The following ZC3H12B variants were observed in gnomAD, a reference collection of about 807,000 sequenced individuals.
ZC3H12B encodes the protein probable ribonuclease ZC3H12B.
A neutral mutation model predicts 43.9 loss-of-function variants in ZC3H12B; 7 were observed. The ratio of observed to expected loss-of-function variants is 0.16; its 90% CI spans 0.09 to 0.30. The LOEUF is 0.30. Ranked by LOEUF, ZC3H12B falls within the 10% of genes least tolerant of loss-of-function variation. ZC3H12B has a pLI of 1.00. For missense variants in ZC3H12B, 475 were observed against 670.2 expected, an observed-to-expected ratio of 0.71 and a Z score of 3.22; for synonymous variants, 222 against 241.7, an observed-to-expected ratio of 0.92 and a Z score of 0.76.
At chrX:65,209,689 A>G in the ZC3H12B span, among the ~76,000 whole-genome samples, 1 of 110,383 alleles carries the variant, frequency 9.1e-6, no homozygotes, top group Admixed American at 9.8e-5. Context: ...TACAGTAACC[A>G]AAACAGCATG....
the ZC3H12B span, among the ~76,000 whole-genome samples, chrX:65,239,249 G>C: frequency 9.0e-6 from 1 of 110,996 alleles, no homozygotes; most frequent in East Asian, 2.9e-4. Flanking sequence ...TATGAATCTT[G>C]GTCCTCCCAT....
chrX:65,369,644 T>TA (rs957153898), intron 2 of ZC3H12B, among the ~76,000 whole-genome samples: 1 of 111,830 alleles, frequency 8.9e-6, no homozygotes. Flanking sequence ...TATGCAACTT[T>TA]AAAAAAATTG....
intron 2 of ZC3H12B, among the ~76,000 whole-genome samples, chrX:65,379,087 G>A (rs12013470): frequency 9.0e-6 from 1 of 111,603 alleles, no homozygotes; most frequent in African/African-American, 3.3e-5. Context: ...CGGGAAGCTC[G>A]AACTGGGTGG....
At chrX:65,500,719 G>A (rs1309839944) in intron 4 of ZC3H12B, among the ~76,000 whole-genome samples, 5 of 109,646 alleles carry the variant, frequency 4.6e-5, no homozygotes, top group Non-Finnish European at 5.7e-5. Flanking sequence ...ATGAGCCACC[G>A]TGCCCGGCCC....
chrX:65,448,653 C>T (rs1468807370), intron 3 of ZC3H12B, among the ~76,000 whole-genome samples: 14 of 109,969 alleles, frequency 1.3e-4, no homozygotes, highest in Non-Finnish European at 2.7e-4. Context: ...CCCATCTCTA[C>T]TAAAAATATA....
At chrX:65,270,492 A>C in the ZC3H12B span, among the ~76,000 whole-genome samples, 1 of 111,884 alleles carries the variant, frequency 8.9e-6, no homozygotes, top group South Asian at 3.7e-4. Context: ...TTTGGATATC[A>C]TACCAAAAGC....
the ZC3H12B span, among the ~76,000 whole-genome samples, chrX:65,180,882 A>G: frequency 0.23 from 25,703 of 111,239 alleles, 7,170 homozygotes; most frequent in African/African-American, 0.8. Flanking sequence ...GACTTTCTTC[A>G]CAGAATTACC....
the ZC3H12B span, among the ~76,000 whole-genome samples, chrX:65,161,502 T>C: frequency 8.9e-6 from 1 of 112,057 alleles, no homozygotes; most frequent in African/African-American, 3.2e-5. Flanking sequence ...AATTGATCCC[T>C]TTACCATTAT....
the ZC3H12B span, among the ~76,000 whole-genome samples, chrX:65,099,261 G>T: frequency 8.9e-6 from 1 of 111,851 alleles, no homozygotes; most frequent in Non-Finnish European, 1.9e-5. Context: ...GAGCACCTGG[G>T]GGAAGGGGTG....
chrX:65,370,596 C>T (rs1456307590), intron 2 of ZC3H12B, among the ~76,000 whole-genome samples: 1 of 111,890 alleles, frequency 8.9e-6, no homozygotes, highest in East Asian at 2.8e-4. Context: ...ATCTATATAT[C>T]CCTAAGGAAA....
chrX:65,093,648 G>A, the ZC3H12B span, among the ~76,000 whole-genome samples: 2,371 of 111,879 alleles, frequency 0.021, 23 homozygotes, highest in Middle Eastern at 0.056. Flanking sequence ...CTGTAGCCCC[G>A]CCTTTTTTTG....
intron 3 of ZC3H12B, among the ~76,000 whole-genome samples, chrX:65,448,997 G>GAAAGAAAGAGAGGAAA (rs1179244017): frequency 9.0e-4 from 3 of 3,340 alleles, no homozygotes; most frequent in Non-Finnish European, 1.1e-3. Context: ...AAGAAAGAGA[G>GAAAGAAAGAGAGGAAA]GAAAGAAAGA....
At chrX:65,216,269 C>G in the ZC3H12B span, among the ~76,000 whole-genome samples, 1 of 111,430 alleles carries the variant, frequency 9.0e-6, no homozygotes, top group African/African-American at 3.3e-5. Flanking sequence ...CACCTTTTCC[C>G]CAATCCTAGG....
the ZC3H12B span, among the ~76,000 whole-genome samples, chrX:65,359,376 C>T: frequency 8.9e-5 from 10 of 111,779 alleles, no homozygotes; most frequent in Non-Finnish European, 3.8e-5. Flanking sequence ...AATGATTCAT[C>T]TGATGAACCT....
At chrX:65,161,837 A>G in the ZC3H12B span, among the ~76,000 whole-genome samples, 1 of 111,689 alleles carries the variant, frequency 9.0e-6, no homozygotes, top group Non-Finnish European at 1.9e-5. Flanking sequence ...TTTGCTCACT[A>G]GTTGATGCAG....
the ZC3H12B span, among the ~76,000 whole-genome samples, chrX:65,254,516 C>T: frequency 1.8e-5 from 2 of 112,059 alleles, no homozygotes; most frequent in Non-Finnish European, 3.8e-5. Flanking sequence ...TACAATAAAA[C>T]CACGAAGGAC....
At chrX:65,344,906 A>T in the ZC3H12B span, among the ~76,000 whole-genome samples, 1 of 112,347 alleles carries the variant, frequency 8.9e-6, no homozygotes, top group Non-Finnish European at 1.9e-5. Flanking sequence ...ACATGAACAG[A>T]CACTTTTTAA....
chrX:65,280,108 A>G, the ZC3H12B span, among the ~76,000 whole-genome samples: 2 of 112,231 alleles, frequency 1.8e-5, no homozygotes, highest in Admixed American at 9.4e-5. Flanking sequence ...AAAAAAGGAA[A>G]ACCACATGTC....
At chrX:65,408,913 C>T (rs759929170) in intron 3 of ZC3H12B, among the ~76,000 whole-genome samples, 1 of 111,655 alleles carries the variant, frequency 9.0e-6, no homozygotes, top group East Asian at 2.8e-4. Flanking sequence ...TAGTTAATGC[C>T]AGTGGCCTGT....
Sources: gnomAD v4.1 joint callset for allele counts (sites outside exome capture counted in the v4.1 genomes callset) on GRCh38, gnomAD v4.1.1 for gene constraint, MANE v1.5 for transcripts, NCBI Gene and HGNC (gene_info 2026-07-23, HGNC 2026-07-21) for gene names.